The following SIK2 variants were observed in gnomAD, a reference collection of about 807,000 sequenced individuals.
SIK2 encodes salt inducible kinase 2.
In SIK2, 29 loss-of-function variants were observed where a neutral mutation model predicts 103.2. The observed-to-expected ratio is 0.28, with a 90% confidence interval of 0.21 to 0.38. The LOEUF is 0.38. Ranked by LOEUF, SIK2 falls within the 10% of genes least tolerant of loss-of-function variation. The pLI is 1.00. For missense variants in SIK2, 879 were observed against 1,171.0 expected, an observed-to-expected ratio of 0.75 and a Z score of 3.64; for synonymous variants, 412 against 446.1, an observed-to-expected ratio of 0.92 and a Z score of 0.96.
intron 3 of SIK2, among the ~76,000 whole-genome samples, chr11:111,681,132 G>A (rs1302172057): frequency 1.3e-5 from 2 of 152,184 alleles, no homozygotes; most frequent in African/African-American, 4.8e-5. Context: ...GGCAAATTTG[G>A]AGATTATTCT....
chr11:111,635,698 A>G (rs993556653), intron 3 of SIK2, among the ~76,000 whole-genome samples: 1 of 152,260 alleles, frequency 6.6e-6, no homozygotes, highest in African/African-American at 2.4e-5. Context: ...AAGAAGCCTT[A>G]ATAAAATAGA....
At chr11:111,717,313 G>A (rs1188203111) in intron 9 of SIK2, among the ~76,000 whole-genome samples, 5 of 43,586 alleles carry the variant, frequency 1.1e-4, no homozygotes, top group Non-Finnish European at 1.5e-4. Context: ...GCGAGACTCC[G>A]TCTCAAAAAA....
rs564788992 is a variant in SIK2 at position 111,671,545 on chromosome 11, A to G, written c.317-16456A>G. 95 of 321,900 alleles carry G rather than the reference A, an allele frequency of 3.0e-4. 1 individual carries two copies. Among genetic ancestry groups the G allele is most frequent in the South Asian group, 2.7e-3 (89 of 32,704 alleles). 19.9% of individuals were successfully genotyped at this position (321,900 alleles called of 1,614,324 possible). A position where few individuals can be genotyped will look rare whatever the true frequency, so the allele number is the denominator to read the frequency against. On this transcript the variant is annotated intron_variant, in intron 3 of 14. Coordinates refer to ENST00000304987, the MANE Select transcript of SIK2 (RefSeq NM_015191.3). ...CAACTCCTCATACTTGATCTGGTACATGCTCTCAGCCTTGGCCTGGCTGTG... is the reference window on the plus strand; with the variant it reads ...CAACTCCTCATACTTGATCTGGTACGTGCTCTCAGCCTTGGCCTGGCTGTG...
Position 111,721,213 on chromosome 11 carries a change from C to T in SIK2, c.1944+151C>T, listed in dbSNP as rs1211036758. The T allele has an allele frequency of 5.4e-6, 5 of 931,610 alleles. No homozygotes were observed. The East Asian group carries it at 1.1e-4, about 20-fold the overall frequency. The allele number at this position is 931,610 out of a possible 1,614,324, so 57.7% of individuals were successfully genotyped here. A position where few individuals can be genotyped will look rare whatever the true frequency, so the allele number is the denominator to read the frequency against. Reference sequence around the variant, plus strand: ...CCACAGCTTCTTTGCCTTGTTGCTGCCACCTGCCACTGACGGGTTCAACCC... The same window carrying T: ...CCACAGCTTCTTTGCCTTGTTGCTGTCACCTGCCACTGACGGGTTCAACCC... On this transcript the variant is annotated intron_variant, in intron 12 of 14. Transcript: ENST00000304987.
In SIK2 at chr11:111,723,564, T is replaced by G. The variant is rs1045364725; in HGVS notation, c.2216T>G (p.Ile739Arg). 1.2e-6 allele frequency: 2 copies of G among 1,614,082 alleles called. No individual in the cohort carries two copies. The highest frequency in any genetic ancestry group is 1.7e-6 in the Non-Finnish European group (2 of 1,180,044). The change falls in exon 15 of 15, where the codon ATA (isoleucine) becomes AGA (arginine). Residue 739 changes from isoleucine (I) to arginine (R), a missense_variant. Physicochemically the swap from Ile to Arg is moderately conservative, Grantham distance 97. Coordinates refer to ENST00000304987, the MANE Select transcript of SIK2 (RefSeq NM_015191.3). Reference sequence around the variant, plus strand: ...CAGGCCTATTTTAATCAGATGCAGATAGCAGAGAGCTCCTACCCACAGCCA... The same window carrying G: ...CAGGCCTATTTTAATCAGATGCAGAGAGCAGAGAGCTCCTACCCACAGCCA... ...QLQAYFNQMQ[I>R]AESSYPQPSQ...
chr11:111,669,300 C>T (rs1425911931), intron 3 of SIK2, among the ~76,000 whole-genome samples: 2 of 152,154 alleles, frequency 1.3e-5, no homozygotes, highest in Non-Finnish European at 2.9e-5. Context: ...GTGTCTGTCT[C>T]TCAGAATCTA....
chr11:111,664,390 C>T (rs1005086187), intron 3 of SIK2, among the ~76,000 whole-genome samples: 2 of 151,990 alleles, frequency 1.3e-5, no homozygotes, highest in Admixed American at 1.3e-4. Context: ...CCGAGGCGGG[C>T]GGACCACTTG....
intron 3 of SIK2, among the ~76,000 whole-genome samples, chr11:111,634,578 T>C (rs1191766400): frequency 1.3e-5 from 2 of 152,206 alleles, no homozygotes; most frequent in African/African-American, 2.4e-5. Flanking sequence ...TTGAATCACT[T>C]CAACACCTAA....
intron 1 of SIK2, among the ~76,000 whole-genome samples, chr11:111,613,639 A>G (rs2135833565): frequency 6.6e-6 from 1 of 152,296 alleles, no homozygotes; most frequent in Admixed American, 6.5e-5. Flanking sequence ...AATAGCGAGT[A>G]TATAATATTA....
At chr11:111,693,696 G>A (rs1328386159) in intron 4 of SIK2, among the ~76,000 whole-genome samples, 1 of 152,194 alleles carries the variant, frequency 6.6e-6, no homozygotes, top group Non-Finnish European at 1.5e-5. Context: ...TTGAGTAGCA[G>A]TGCTGGTGCA....
chr11:111,703,936 T>C (rs952025357), intron 7 of SIK2, among the ~76,000 whole-genome samples: 1 of 152,178 alleles, frequency 6.6e-6, no homozygotes, highest in African/African-American at 2.4e-5. Context: ...ACCTGGAAAA[T>C]TCCTCTTGGC....
At chr11:111,618,182 G>A (rs1941833782) in intron 2 of SIK2, among the ~76,000 whole-genome samples, 1 of 152,046 alleles carries the variant, frequency 6.6e-6, no homozygotes, top group African/African-American at 2.4e-5. Flanking sequence ...GTTCACAATA[G>A]GGTTCCTACT....
At chr11:111,659,878 G>A (rs932830699) in intron 3 of SIK2, among the ~76,000 whole-genome samples, 10 of 152,186 alleles carry the variant, frequency 6.6e-5, no homozygotes, top group African/African-American at 9.6e-5. Context: ...GATTGGAGAC[G>A]CAACCGTGTC....
chr11:111,659,269 C>T (rs1256619005), intron 3 of SIK2, among the ~76,000 whole-genome samples: 2 of 151,858 alleles, frequency 1.3e-5, no homozygotes, highest in African/African-American at 4.8e-5. Flanking sequence ...TATTGTTGGC[C>T]CCTTTTAATT....
At chr11:111,675,167 T>C (rs1420161166) in intron 3 of SIK2, among the ~76,000 whole-genome samples, 2 of 152,170 alleles carry the variant, frequency 1.3e-5, no homozygotes, top group African/African-American at 4.8e-5. Flanking sequence ...ATAATTGGGT[T>C]CAGATCTACT....
At chr11:111,632,898 C>T (rs940631878) in intron 3 of SIK2, among the ~76,000 whole-genome samples, 2 of 152,116 alleles carry the variant, frequency 1.3e-5, no homozygotes, top group East Asian at 3.8e-4. Flanking sequence ...AACTGTTCCT[C>T]TTAATTTAAT....
In SIK2 at chr11:111,705,264, G is replaced by GC. The variant is rs1419735756; in HGVS notation, c.1101+127dup. 4.9e-6 allele frequency: 5 copies of GC among 1,017,384 alleles called. No homozygotes were observed. In the East Asian group the frequency reaches 1.6e-4, roughly 33 times the overall value. 63.0% of individuals were successfully genotyped at this position (1,017,384 alleles called of 1,614,324 possible). On this transcript the variant is annotated intron_variant, in intron 8 of 14. Transcript: ENST00000304987. The surrounding 1 kb of genome is among the most constrained non-coding windows in gnomAD (Gnocchi z 4.3). ...CACTCCGTTTTTCTGTAAAATTTCT[G>GC]CCTGCCATTCACTAGATTCTCAAAT... is the stretch of plus-strand genomic sequence containing the variant.
At chr11:111,650,552 T>G (rs1161842225) in intron 3 of SIK2, among the ~76,000 whole-genome samples, 4 of 152,158 alleles carry the variant, frequency 2.6e-5, no homozygotes, top group Non-Finnish European at 4.4e-5. Flanking sequence ...ATTATTAGTT[T>G]GGAGAAAGTA....
intron 3 of SIK2, among the ~76,000 whole-genome samples, chr11:111,623,687 T>G (rs1251554053): frequency 6.6e-6 from 1 of 152,208 alleles, no homozygotes; most frequent in Non-Finnish European, 1.5e-5. Flanking sequence ...CCTGGCTTTG[T>G]GTAAGCACCA....
Sources: gnomAD v4.1 joint callset for allele counts (sites outside exome capture counted in the v4.1 genomes callset) on GRCh38, gnomAD v4.1.1 for gene constraint, Gnocchi (gnomAD v3.1) non-coding constraint, MANE v1.5 for transcripts, NCBI Gene and HGNC (gene_info 2026-07-23, HGNC 2026-07-21) for gene names.